Variants in CALN1 observed in about 807,000 individuals in gnomAD.
The protein encoded by CALN1 is calcium-binding protein 8.
A neutral mutation model predicts 30.6 loss-of-function variants in CALN1; 17 were observed. The observed-to-expected ratio is 0.56, with a 90% CI of 0.38 to 0.83. The LOEUF is 0.83. Among genes scored for constraint, CALN1 ranks in the 40% least tolerant of loss-of-function variants. The pLI is 0.00. For synonymous variants in CALN1, 156 were observed against 131.4 expected, an observed-to-expected ratio of 1.19 and a Z score of -1.28; for missense variants, 291 against 354.9, an observed-to-expected ratio of 0.82 and a Z score of 1.45.
intron 5 of CALN1, among the ~76,000 whole-genome samples, chr7:71,811,276 TAGCTCCCTG>T (rs1562800635): frequency 1.3e-5 from 2 of 152,056 alleles, no homozygotes; most frequent in East Asian, 3.9e-4. Context: ...GGTGTGATCA[TAGCTCCCTG>T]CAGCCTTGAA....
the CALN1 span, among the ~76,000 whole-genome samples, chr7:72,480,857 T>C: frequency 6.6e-6 from 1 of 152,312 alleles, no homozygotes; most frequent in Admixed American, 6.5e-5. Context: ...ATTCACTTAC[T>C]GTATATGGAA....
intron 4 of CALN1, among the ~76,000 whole-genome samples, chr7:72,074,702 C>G (rs2129538290): frequency 6.6e-6 from 1 of 152,322 alleles, no homozygotes; most frequent in East Asian, 1.9e-4. Flanking sequence ...GCCACTGCAC[C>G]TGGCCCCAAA....
intron 3 of CALN1, among the ~76,000 whole-genome samples, chr7:72,182,041 T>C (rs1208038660): frequency 6.6e-6 from 1 of 152,198 alleles, no homozygotes; most frequent in Non-Finnish European, 1.5e-5. Flanking sequence ...GGTGAGAAGT[T>C]AGTCATGAAT....
chr7:72,109,473 C>A (rs918515529), intron 3 of CALN1, among the ~76,000 whole-genome samples: 16 of 152,216 alleles, frequency 1.1e-4, no homozygotes, highest in Admixed American at 9.8e-4. Context: ...TGCTGTTCAA[C>A]ACCTCCTCCC....
chr7:72,275,432 C>G (rs1797271134), intron 3 of CALN1, among the ~76,000 whole-genome samples: 1 of 152,160 alleles, frequency 6.6e-6, no homozygotes, highest in African/African-American at 2.4e-5. Context: ...CGTGCCTGCT[C>G]TAAAATCAGA....
At chr7:72,265,367 A>G (rs965719789) in intron 3 of CALN1, among the ~76,000 whole-genome samples, 4 of 152,146 alleles carry the variant, frequency 2.6e-5, no homozygotes, top group Non-Finnish European at 5.9e-5. Flanking sequence ...TGTTGCTAAT[A>G]TCAAATTCTT....
chr7:72,352,551 GTCAAAGAATAA>G (rs1400757559), intron 2 of CALN1, among the ~76,000 whole-genome samples: 1 of 152,066 alleles, frequency 6.6e-6, no homozygotes, highest in Admixed American at 6.6e-5. Context: ...TAATGCGTAT[GTCAAAGAATAA>G]TCACAAAGGA....
upstream of CALN1, among the ~76,000 whole-genome samples, chr7:72,448,509 C>T (rs1039648753): frequency 6.6e-6 from 1 of 152,110 alleles, no homozygotes. Context: ...GCTAAGACCG[C>T]CACACCTCAT....
Position 72,292,704 on chromosome 7 carries a change from C to A in CALN1, c.120-13894G>T, listed in dbSNP as rs1798573115. Among the ~76,000 whole-genome samples, 3 of 150,468 alleles carry A rather than the reference C, an allele frequency of 2.0e-5. 1 individual carries two copies. The highest frequency in any genetic ancestry group is 1.3e-4 in the Admixed American group (2 of 15,068). On this transcript the variant is annotated intron_variant, in intron 2 of 6. Transcript: ENST00000395275. ...GGCATGGTGGCGCATGCTTGTAATCCCAGCTACTCGGGAGGCTGAGGCAGG... is the reference window on the plus strand; with the variant it reads ...GGCATGGTGGCGCATGCTTGTAATCACAGCTACTCGGGAGGCTGAGGCAGG...
At chr7:72,152,031 C>T (rs951646924) in intron 3 of CALN1, among the ~76,000 whole-genome samples, 1 of 151,462 alleles carries the variant, frequency 6.6e-6, no homozygotes, top group East Asian at 2.0e-4. Context: ...GCCTCAGCCT[C>T]CCAGGTAGCT....
intron 3 of CALN1, among the ~76,000 whole-genome samples, chr7:72,271,514 G>C (rs1203879557): frequency 7.3e-6 from 1 of 137,770 alleles, no homozygotes; most frequent in African/African-American, 2.8e-5. Context: ...CTCCCTCCTC[G>C]GCCTCATGAG....
At chr7:71,905,439 T>C (rs1794083457) in intron 5 of CALN1, among the ~76,000 whole-genome samples, 1 of 151,506 alleles carries the variant, frequency 6.6e-6, no homozygotes, top group Non-Finnish European at 1.5e-5. Context: ...CTAAAGTCCA[T>C]TATATCACTC....
chr7:71,970,726 T>G (rs1797752541), intron 5 of CALN1, among the ~76,000 whole-genome samples: 1 of 152,156 alleles, frequency 6.6e-6, no homozygotes, highest in Non-Finnish European at 1.5e-5. Context: ...TCGTGACATT[T>G]TCAATAAGGA....
chr7:71,871,760 C>G (rs35210461), intron 5 of CALN1, among the ~76,000 whole-genome samples: 37,371 of 151,810 alleles, frequency 0.25, 4,939 homozygotes, highest in African/African-American at 0.32. Context: ...TCCCATCACT[C>G]ACTCTCCACT....
intron 3 of CALN1, among the ~76,000 whole-genome samples, chr7:72,141,483 G>T (rs971091120): frequency 6.6e-6 from 1 of 152,038 alleles, no homozygotes; most frequent in African/African-American, 2.4e-5. Flanking sequence ...TGAGACCACC[G>T]ACCCTTCGGC....
At chr7:72,413,601 CACAT>C (rs1198077640), upstream of CALN1, among the ~76,000 whole-genome samples, 1 of 151,882 alleles carries the variant, frequency 6.6e-6, no homozygotes, top group Non-Finnish European at 1.5e-5. Flanking sequence ...TACACACTAA[CACAT>C]GCACACATAC....
intron 4 of CALN1, among the ~76,000 whole-genome samples, chr7:72,068,211 A>C (rs1233568755): frequency 1.3e-5 from 2 of 152,350 alleles, no homozygotes; most frequent in East Asian, 1.9e-4. Flanking sequence ...AAGATTTTAA[A>C]ATATACATGA....
chr7:71,915,016 T>C (rs1178873597), intron 5 of CALN1, among the ~76,000 whole-genome samples: 1 of 152,210 alleles, frequency 6.6e-6, no homozygotes, highest in Non-Finnish European at 1.5e-5. Context: ...AACTAAACAA[T>C]GGTGGCAACA....
chr7:71,928,357 C>G (rs949676439), intron 5 of CALN1, among the ~76,000 whole-genome samples: 16 of 151,994 alleles, frequency 1.1e-4, no homozygotes, highest in Admixed American at 9.8e-4. Context: ...TCCAATCTCT[C>G]CTTGGGAATG....
Sources: gnomAD v4.1 joint callset for allele counts (sites outside exome capture counted in the v4.1 genomes callset) on GRCh38, gnomAD v4.1.1 for gene constraint, MANE v1.5 for transcripts, NCBI Gene and HGNC (gene_info 2026-07-23, HGNC 2026-07-21) for gene names.